The following GDPD5 variants were observed in gnomAD, a reference collection of about 807,000 sequenced individuals.
GDPD5 encodes glycerophosphodiester phosphodiesterase 2.
Under a neutral mutation model 75.1 loss-of-function variants are expected in GDPD5, and 48 were observed. The observed-to-expected ratio is 0.64, with a 90% CI of 0.51 to 0.81. The LOEUF (loss-of-function observed/expected upper bound fraction) is 0.81. GDPD5 is among the 40% of genes least tolerant of loss of function. The probability of loss-of-function intolerance (pLI) is 0.00; values close to 1 mark genes in which losing one functional copy is unlikely to be tolerated. For missense variants in GDPD5, 706 were observed against 822.6 expected (o/e 0.86, Z 1.73); for synonymous variants, 336 against 339.0 (o/e 0.99, Z 0.10).
chr11:75,483,360 G>A (rs564806723), intron 2 of GDPD5, among the ~76,000 whole-genome samples: 44 of 152,254 alleles, frequency 2.9e-4, no homozygotes, highest in Admixed American at 2.4e-3. Flanking sequence ...GAATAAACAC[G>A]CACTATGGAG....
chr11:75,513,053 T>C (rs1027399865), intron 1 of GDPD5, among the ~76,000 whole-genome samples: 2 of 152,188 alleles, frequency 1.3e-5, no homozygotes, highest in African/African-American at 4.8e-5. Flanking sequence ...ATGCCACGTC[T>C]AGACAGCATC....
At chr11:75,520,090 T>A (rs1393340911) in intron 1 of GDPD5, among the ~76,000 whole-genome samples, 1 of 152,206 alleles carries the variant, frequency 6.6e-6, no homozygotes, top group East Asian at 1.9e-4. Flanking sequence ...TACACACCAC[T>A]GTTCACAGGG....
At chr11:75,466,480 C>T (rs563190584) in intron 3 of GDPD5, among the ~76,000 whole-genome samples, 2 of 152,162 alleles carry the variant, frequency 1.3e-5, no homozygotes, top group South Asian at 2.1e-4. Context: ...CAGAGAGAGG[C>T]CTGCCCGCTC....
chr11:75,500,272 G>GCTCTCCTCCCTTT (rs1950283673), intron 1 of GDPD5, among the ~76,000 whole-genome samples: 4 of 152,032 alleles, frequency 2.6e-5, no homozygotes, highest in Admixed American at 1.3e-4. Context: ...CCCCTTCCCA[G>GCTCTCCTCCCTTT]CTCTCCTCCC....
chr11:75,479,808 T>G (rs1377761926), intron 2 of GDPD5, among the ~76,000 whole-genome samples: 1 of 152,196 alleles, frequency 6.6e-6, no homozygotes, highest in Admixed American at 6.5e-5. Flanking sequence ...TCATACAATA[T>G]GTGACCTTTT....
chr11:75,436,580 G>A (rs1005551271), intron 16 of GDPD5, among the ~76,000 whole-genome samples: 4 of 151,756 alleles, frequency 2.6e-5, no homozygotes, highest in African/African-American at 9.7e-5. Flanking sequence ...GACTGGCAAA[G>A]AGCAAGGGTG....
chr11:75,491,080 A>G (rs1338730331), intron 1 of GDPD5, among the ~76,000 whole-genome samples: 4 of 152,126 alleles, frequency 2.6e-5, no homozygotes, highest in African/African-American at 9.7e-5. Flanking sequence ...CCTGGTGCCA[A>G]TATAACAACT....
At chr11:75,487,165 C>T (rs919753324) in intron 2 of GDPD5, among the ~76,000 whole-genome samples, 5 of 152,218 alleles carry the variant, frequency 3.3e-5, no homozygotes, top group East Asian at 1.9e-4. Context: ...GTAGCTTTTC[C>T]GGGGTGCTCA....
chr11:75,507,660 G>A (rs1284351477), intron 1 of GDPD5, among the ~76,000 whole-genome samples: 1 of 152,248 alleles, frequency 6.6e-6, no homozygotes, highest in Non-Finnish European at 1.5e-5. Flanking sequence ...AAGAATCAGA[G>A]GATAGGACAG....
intron 1 of GDPD5, among the ~76,000 whole-genome samples, chr11:75,506,469 C>G (rs1346037812): frequency 6.6e-6 from 1 of 152,148 alleles, no homozygotes. Flanking sequence ...GCTGGGAGGC[C>G]TGATATGATC....
chr11:75,471,776 G>A (rs1447832242), intron 3 of GDPD5, among the ~76,000 whole-genome samples: 2 of 152,194 alleles, frequency 1.3e-5, no homozygotes, highest in African/African-American at 4.8e-5. Flanking sequence ...GCTATTCCAA[G>A]AGGAGCTAGG....
intron 3 of GDPD5, among the ~76,000 whole-genome samples, chr11:75,476,026 T>C (rs1234033353): frequency 6.6e-6 from 1 of 152,144 alleles, no homozygotes; most frequent in African/African-American, 2.4e-5. Flanking sequence ...TTCTGGGAGA[T>C]ACGCCTTCCC....
intron 1 of GDPD5, among the ~76,000 whole-genome samples, chr11:75,493,521 C>T (rs554453560): frequency 2.6e-5 from 4 of 152,164 alleles, no homozygotes; most frequent in African/African-American, 9.6e-5. Flanking sequence ...CCCACCTCAG[C>T]CTCCCGAGTA....
At chr11:75,440,313 C>T (rs776979945) in intron 14 of GDPD5, among the ~76,000 whole-genome samples, 8 of 152,100 alleles carry the variant, frequency 5.3e-5, no homozygotes, top group East Asian at 1.9e-4. Context: ...CCCCCGCTGC[C>T]GACTCTCATC....
intron 9 of GDPD5, among the ~76,000 whole-genome samples, chr11:75,447,539 G>A (rs764105724): frequency 6.6e-6 from 1 of 152,170 alleles, no homozygotes; most frequent in Non-Finnish European, 1.5e-5. Context: ...AGATAAGTAT[G>A]GGATTGGATT....
At chr11:75,473,298 C>T (rs774918258) in intron 3 of GDPD5, among the ~76,000 whole-genome samples, 4 of 152,128 alleles carry the variant, frequency 2.6e-5, no homozygotes, top group Non-Finnish European at 5.9e-5. Context: ...CTACTGAGAA[C>T]GCTGTACTCT....
At chr11:75,485,747 A>C (rs1021639800) in intron 2 of GDPD5, 1 of 152,284 alleles carries the variant, frequency 6.6e-6, no homozygotes, top group African/African-American at 2.4e-5. Context: ...TATAACTGCA[A>C]ATTGTACCTC....
At chr11:75,450,243 G>C in intron 6 of GDPD5, 1 of 566,602 alleles carries the variant, frequency 1.8e-6, no homozygotes, top group South Asian at 2.1e-5. Flanking sequence ...AGAAATGGAA[G>C]GGAGGATGGG....
intron 1 of GDPD5, among the ~76,000 whole-genome samples, chr11:75,501,873 G>A (rs566108122): frequency 1.3e-5 from 2 of 152,270 alleles, no homozygotes; most frequent in Admixed American, 1.3e-4. Flanking sequence ...TAATTTACTG[G>A]AAGAGGAGGG....
Sources: gnomAD v4.1 joint callset for allele counts (sites outside exome capture counted in the v4.1 genomes callset) on GRCh38, gnomAD v4.1.1 for gene constraint, MANE v1.5 for transcripts, NCBI Gene and HGNC (gene_info 2026-07-23, HGNC 2026-07-21) for gene names.